SPTBN1: variants seen among roughly 807,000 people sequenced by gnomAD.
SPTBN1 encodes spectrin beta, non-erythrocytic 1.
SPTBN1 carries 32 observed loss-of-function variants against 266.4 expected under a neutral mutation model. The ratio of observed to expected loss-of-function variants is 0.12; its 90% CI spans 0.09 to 0.16. The LOEUF (loss-of-function observed/expected upper bound fraction) is 0.16. Ranked by LOEUF, SPTBN1 falls within the 10% of genes least tolerant of loss-of-function variation. The pLI, the probability that SPTBN1 is intolerant of heterozygous loss-of-function variation, is 1.00. For synonymous variants in SPTBN1, 1,336 were observed against 1,162.2 expected, an observed-to-expected ratio of 1.15 and a Z score of -3.04; for missense variants, 2,296 against 3,067.1, an observed-to-expected ratio of 0.75 and a Z score of 5.94.
chr2:54,571,389 T>A (rs1336556694), intron 2 of SPTBN1, among the ~76,000 whole-genome samples: 1 of 152,128 alleles, frequency 6.6e-6, no homozygotes, highest in Non-Finnish European at 1.5e-5. Flanking sequence ...GTTATAATTG[T>A]ATTAAGAGGA....
rs566472466 is a variant in SPTBN1 at position 54,583,261 on chromosome 2, C to T, written c.149-15831C>T. On this transcript the variant is annotated intron_variant, in intron 2 of 35. Coordinates refer to ENST00000356805, the MANE Select transcript of SPTBN1 (RefSeq NM_003128.3). ...CTCTCTGTTGCCATCTGTTCCCATG[C>T]GGTATAATTACCTGTTAATAAGGCT... is the stretch of plus-strand genomic sequence containing the variant. Among the ~76,000 whole-genome samples the T allele has an allele frequency of 3.3e-5, 5 of 152,174 alleles. No homozygotes were observed. In the South Asian group the frequency reaches 6.2e-4, roughly 19 times the overall value.
Position 54,644,334 on chromosome 2 carries a change from G to A in SPTBN1, c.4017G>A (p.Gln1339=). Residue 1339 remains glutamine (Q), a synonymous_variant, in exon 20 of 36, where the codon CAG becomes CAA. Coordinates refer to ENST00000356805, the MANE Select transcript of SPTBN1 (RefSeq NM_003128.3). Reference sequence around the variant, plus strand: ...GTTTTGTTTTCCAGGAAGGAATGCAGCTCATTTCAGAAAAGCCTGAGACGG... The same window carrying A: ...GTTTTGTTTTCCAGGAAGGAATGCAACTCATTTCAGAAAAGCCTGAGACGG... The part of the protein sequence containing the change: ...WLDKIEKEGM[Q]LISEKPETEA... 1 of 1,608,892 alleles carries A rather than the reference G, an allele frequency of 6.2e-7. No individual in the cohort carries two copies. The highest frequency in any genetic ancestry group is 8.5e-7 in the Non-Finnish European group (1 of 1,175,464).
At chr2:54,470,485 T>C (rs944121641) in intron 1 of SPTBN1, among the ~76,000 whole-genome samples, 6 of 152,182 alleles carry the variant, frequency 3.9e-5, no homozygotes, top group African/African-American at 1.4e-4. Flanking sequence ...ATCTCTGGAA[T>C]GTTGTGCAGC....
At chr2:54,621,798 T>A (rs1250751887) in intron 8 of SPTBN1, among the ~76,000 whole-genome samples, 1 of 152,198 alleles carries the variant, frequency 6.6e-6, no homozygotes, top group Non-Finnish European at 1.5e-5. Flanking sequence ...CCTAATGTCA[T>A]GGGTGTGACA....
intron 3 of SPTBN1, among the ~76,000 whole-genome samples, chr2:54,600,223 T>C (rs570702543): frequency 3.3e-5 from 5 of 152,334 alleles, no homozygotes; most frequent in African/African-American, 4.8e-5. Context: ...CTATTTGTTA[T>C]CAGCTCAGAG....
At chr2:54,602,982 T>A (rs1157505148) in intron 3 of SPTBN1, among the ~76,000 whole-genome samples, 1 of 152,222 alleles carries the variant, frequency 6.6e-6, no homozygotes, top group Non-Finnish European at 1.5e-5. Context: ...GAATTTACTT[T>A]TGTTTTAAAC....
chr2:54,657,974 G>A lies in SPTBN1; in HGVS notation c.6171G>A (p.Lys2057=). The A allele has an allele frequency of 6.2e-7, 1 of 1,614,272 alleles. No homozygotes were observed. Among genetic ancestry groups the A allele is most frequent in the Non-Finnish European group, 8.5e-7 (1 of 1,180,052 alleles). The stretch of plus-strand genomic sequence containing the variant: ...TGGACGAGGTGGAGAAGCTCATCAA[G>A]CGCCACGAGGCATTTGAAAAGTCTG... The part of the protein sequence containing the change: ...QSVDEVEKLI[K]RHEAFEKSAA... The change falls in exon 30 of 36, where the codon AAG becomes AAA. Residue 2057 remains lysine, a synonymous_variant. Transcript: ENST00000356805.
In SPTBN1 at chr2:54,569,461, A is replaced by G. The variant is rs1673906942; in HGVS notation, c.149-29631A>G. ...GTTCACGTAAGATCCCACAAGTCCT[A>G]CAAATTTTAACTTTCCAATAGTTAA... On this transcript the variant is annotated intron_variant, in intron 2 of 35. Transcript: ENST00000356805. Among the ~76,000 whole-genome samples the G allele has an allele frequency of 2.6e-5, 4 of 152,252 alleles. No individual in the cohort carries two copies. The South Asian group carries it at 8.3e-4, about 31-fold the overall frequency.
intron 1 of SPTBN1, among the ~76,000 whole-genome samples, chr2:54,507,192 A>G (rs950912093): frequency 1.3e-5 from 2 of 151,924 alleles, no homozygotes; most frequent in Non-Finnish European, 2.9e-5. Flanking sequence ...AGTTAAGGCT[A>G]TTTTCACTTC....
At chr2:54,650,426 A>G (rs1421836597) in intron 26 of SPTBN1, among the ~76,000 whole-genome samples, 1 of 152,246 alleles carries the variant, frequency 6.6e-6, no homozygotes, top group African/African-American at 2.4e-5. Context: ...AATGACTGGC[A>G]CTAAGACTTT....
At position 54,629,562 on chromosome 2, in the gene SPTBN1, C is replaced by A. The variant is rs776218325; in HGVS notation, c.2428C>A (p.Leu810Ile). 2.5e-6 allele frequency: 4 copies of A among 1,614,006 alleles called. No individual in the cohort carries two copies. In the South Asian group the frequency reaches 4.4e-5, roughly 18 times the overall value. Residue 810 changes from leucine to isoleucine, a missense_variant, in exon 14 of 36, where the codon CTC becomes ATC. Physicochemically the swap from Leu to Ile is conservative, Grantham distance 5. This residue lies in a region of SPTBN1 where 434 missense variants were observed against 573.9 expected (regional missense o/e 0.76). Coordinates refer to ENST00000356805, the MANE Select transcript of SPTBN1 (RefSeq NM_003128.3). Reference protein sequence around the residue: ...LDTLHEQASALPQEHAESPDV... With the variant: ...LDTLHEQASAIPQEHAESPDV... Reference sequence around the variant, plus strand: ...CACGCTGCACGAACAAGCCAGCGCCCTCCCCCAGGAGCATGCCGAGTCTCC... The same window carrying A: ...CACGCTGCACGAACAAGCCAGCGCCATCCCCCAGGAGCATGCCGAGTCTCC...
chr2:54,477,181 T>C (rs1667876563), intron 1 of SPTBN1, among the ~76,000 whole-genome samples: 1 of 152,230 alleles, frequency 6.6e-6, no homozygotes, highest in Non-Finnish European at 1.5e-5. Flanking sequence ...CAGAAGACTT[T>C]GGATTTAAAC....
At chr2:54,490,407 C>A (rs1238204022) in intron 1 of SPTBN1, among the ~76,000 whole-genome samples, 2 of 152,146 alleles carry the variant, frequency 1.3e-5, no homozygotes, top group Non-Finnish European at 2.9e-5. Context: ...TTTCTAAATT[C>A]AGAAAGTATT....
At position 54,668,549 on chromosome 2, in the gene SPTBN1, C is replaced by G. The variant is rs1186330736; in HGVS notation, c.7075C>G (p.Leu2359Val). Residue 2359 changes from leucine to valine, a missense_variant, in exon 36 of 36, where the codon CTT (leucine) becomes GTT (valine). Physicochemically the swap from Leu to Val is conservative, Grantham distance 32. Around this residue, in one of 12 missense-constraint regions of SPTBN1, gnomAD observed 347 missense variants for 368.5 expected, o/e 0.94. Transcript: ENST00000356805. ...KEKDKEKRFS[L>V]FGKKK ...GAAAGACAAAGAGAAGCGGTTCAGC[C>G]TTTTTGGCAAAAAGAAATGAACTCC... 1.9e-6 allele frequency: 3 copies of G among 1,613,756 alleles called. No homozygotes were observed. The highest frequency in any genetic ancestry group is 2.2e-5 in the East Asian group (1 of 44,866).
intron 31 of SPTBN1, 121 bp from the exon 32 acceptor site, chr2:54,659,815 A>C: frequency 2.7e-6 from 4 of 1,456,164 alleles, no homozygotes; most frequent in Non-Finnish European, 3.6e-6. Context: ...AAAAGAATTA[A>C]ATTATGTGAA....
At chr2:54,597,273 T>A (rs1676151237) in intron 2 of SPTBN1, among the ~76,000 whole-genome samples, 1 of 152,208 alleles carries the variant, frequency 6.6e-6, no homozygotes, top group African/African-American at 2.4e-5. Context: ...TGGCCAAGCT[T>A]AGCCCCAGAA....
chr2:54,665,792 G>T, intron 33 of SPTBN1, 123 bp from the exon 34 acceptor site: 2 of 1,143,308 alleles, frequency 1.7e-6, no homozygotes, highest in Non-Finnish European at 2.5e-6. Context: ...GGAAGGTTGA[G>T]GGTTGGGTGG....
intron 29 of SPTBN1, among the ~76,000 whole-genome samples, chr2:54,656,763 A>G (rs1680695955): frequency 6.6e-6 from 1 of 152,218 alleles, no homozygotes; most frequent in South Asian, 2.1e-4. Context: ...CAGAGCCCTC[A>G]GAAATCCCAC....
Position 54,653,683 on chromosome 2 carries a change from G to A in SPTBN1, c.5652G>A (p.Lys1884=). The A allele has an allele frequency of 1.2e-6, 2 of 1,614,174 alleles. No individual in the cohort carries two copies. The highest frequency in any genetic ancestry group is 1.7e-6 in the Non-Finnish European group (2 of 1,180,020). ...GTGACAAGGCCGACGATATCCAGAA[G>A]CGCGAGAACGAGGTCCTGGAAGCCT... is the stretch of plus-strand genomic sequence containing the variant. ...YAGDKADDIQ[K]RENEVLEAWK... The change falls in exon 27 of 36, where the codon AAG becomes AAA. Residue 1884 remains lysine, a synonymous_variant. Coordinates refer to ENST00000356805, the MANE Select transcript of SPTBN1 (RefSeq NM_003128.3). This position sits in a 1 kb window ranked among gnomAD's most constrained non-coding sequence, Gnocchi z 5.1.
Sources: allele counts gnomAD v4.1 joint callset (sites outside exome capture counted in the v4.1 genomes callset), GRCh38; gene constraint gnomAD v4.1.1; regional missense constraint gnomAD v4.1.1; non-coding constraint Gnocchi (gnomAD v3.1); transcripts MANE v1.5; gene names NCBI Gene and HGNC (gene_info 2026-07-23, HGNC 2026-07-21).